SIMC1: variants seen among roughly 807,000 people sequenced by gnomAD.
SIMC1 encodes the protein SUMO interacting motifs containing 1, also known as SUMO-interacting motif-containing protein 1.
A neutral mutation model predicts 82.3 loss-of-function variants in SIMC1; 55 were observed. That is an observed-to-expected ratio of 0.67 (90% CI 0.54 to 0.84). The LOEUF is 0.84. Among genes scored for constraint, SIMC1 ranks in the 40% least tolerant of loss-of-function variants. The pLI is 0.00. For synonymous variants in SIMC1, 353 were observed against 426.3 expected (o/e 0.83, Z 2.12); for missense variants, 915 against 1,107.2 (o/e 0.83, Z 2.46).
At chr5:176,317,752 C>G (rs937990396) in intron 5 of SIMC1, among the ~76,000 whole-genome samples, 1 of 152,068 alleles carries the variant, frequency 6.6e-6, no homozygotes, top group African/African-American at 2.4e-5. Context: ...AATAATTATC[C>G]TATTTTTAAG....
chr5:176,262,411 A>G (rs1435954473), intron 1 of SIMC1, among the ~76,000 whole-genome samples: 1 of 152,172 alleles, frequency 6.6e-6, no homozygotes, highest in Non-Finnish European at 1.5e-5. Context: ...AAGCATTCCT[A>G]CTAAGATCAG....
intron 1 of SIMC1, among the ~76,000 whole-genome samples, chr5:176,260,502 C>A (rs1321685451): frequency 1.3e-5 from 2 of 151,964 alleles, no homozygotes; most frequent in Admixed American, 1.3e-4. Flanking sequence ...CCAAATTTAG[C>A]CAGTCTCTTA....
intron 4 of SIMC1, chr5:176,308,759 A>G: frequency 7.4e-7 from 1 of 1,353,006 alleles, no homozygotes; most frequent in Non-Finnish European, 1.1e-6. Flanking sequence ...TTGAATCAGC[A>G]GTAGAGCTGC....
At chr5:176,270,741 T>C (rs368650831) in intron 1 of SIMC1, among the ~76,000 whole-genome samples, 3 of 152,178 alleles carry the variant, frequency 2.0e-5, no homozygotes, top group African/African-American at 7.2e-5. Flanking sequence ...AAACAACACA[T>C]GGCAGAATTT....
At chr5:176,296,155 G>C in intron 3 of SIMC1, 96 bp from the exon 4 acceptor site, 1 of 1,593,156 alleles carries the variant, frequency 6.3e-7, no homozygotes, top group South Asian at 1.1e-5. Context: ...GGATAATGGA[G>C]GATAGGAAGA....
At chr5:176,305,519 TG>T (rs1764296373) in intron 4 of SIMC1, among the ~76,000 whole-genome samples, 1 of 69,402 alleles carries the variant, frequency 1.4e-5, no homozygotes, top group Non-Finnish European at 3.1e-5. Flanking sequence ...CCACCCCGTC[TG>T]GGAGGGAGGT....
intron 2 of SIMC1, among the ~76,000 whole-genome samples, chr5:176,292,251 T>C (rs548794927): frequency 2.0e-5 from 3 of 152,166 alleles, no homozygotes; most frequent in Non-Finnish European, 4.4e-5. Flanking sequence ...TCATCATTGA[T>C]TTATGAGAAG....
intron 4 of SIMC1, among the ~76,000 whole-genome samples, chr5:176,296,923 C>A (rs1436344258): frequency 6.6e-6 from 1 of 151,980 alleles, no homozygotes; most frequent in Non-Finnish European, 1.5e-5. Flanking sequence ...TTAGGGAGAC[C>A]TACAGAGAAT....
At chr5:176,251,216 T>A (rs1371514081) in intron 1 of SIMC1, among the ~76,000 whole-genome samples, 2 of 152,094 alleles carry the variant, frequency 1.3e-5, no homozygotes, top group Admixed American at 6.5e-5. Flanking sequence ...ACAAATTAGC[T>A]AGGTGTGATG....
chr5:176,279,918 TGTG>T (rs1009415238), intron 1 of SIMC1, among the ~76,000 whole-genome samples: 59 of 152,198 alleles, frequency 3.9e-4, no homozygotes, highest in Admixed American at 2.0e-4. Flanking sequence ...TTGGAATAGG[TGTG>T]GTGCGGTGCT....
chr5:176,244,706 CTT>C (rs1246145883), intron 1 of SIMC1, among the ~76,000 whole-genome samples: 1 of 119,088 alleles, frequency 8.4e-6, no homozygotes, highest in African/African-American at 3.1e-5. Context: ...TATAATGTTT[CTT>C]TTTTTTTTTC....
chr5:176,313,411 AT>A (rs1561716835), intron 4 of SIMC1: 1 of 1,546,058 alleles, frequency 6.5e-7, no homozygotes, highest in East Asian at 2.4e-5. Flanking sequence ...TTAGAAAATT[AT>A]AATTATCTGC....
At chr5:176,253,465 C>T (rs1166810992) in intron 1 of SIMC1, among the ~76,000 whole-genome samples, 2 of 152,148 alleles carry the variant, frequency 1.3e-5, no homozygotes, top group Non-Finnish European at 2.9e-5. Flanking sequence ...CCACCCGCCT[C>T]AGCCTCCCAA....
intron 1 of SIMC1, among the ~76,000 whole-genome samples, chr5:176,249,443 G>A (rs979647838): frequency 1.3e-5 from 2 of 152,004 alleles, no homozygotes; most frequent in African/African-American, 4.8e-5. Context: ...GGGATCAGTG[G>A]CGATATCCCC....
intron 7 of SIMC1, among the ~76,000 whole-genome samples, chr5:176,325,830 T>C (rs1338344469): frequency 6.6e-6 from 1 of 152,112 alleles, no homozygotes; most frequent in African/African-American, 2.4e-5. Context: ...GTGAATGAAA[T>C]AGATATATCC....
At chr5:176,250,536 G>A (rs1364534621) in intron 1 of SIMC1, among the ~76,000 whole-genome samples, 18 of 152,138 alleles carry the variant, frequency 1.2e-4, no homozygotes, top group Non-Finnish European at 1.3e-4. Flanking sequence ...CTGTCTTGTT[G>A]ATCTGTCTAA....
chr5:176,331,841 C>T (rs772971099), intron 7 of SIMC1, among the ~76,000 whole-genome samples: 31 of 151,824 alleles, frequency 2.0e-4, no homozygotes, highest in Non-Finnish European at 2.5e-4. Flanking sequence ...TGGTGGCGGG[C>T]GCCTGTAATC....
At chr5:176,295,476 GGAGT>G (rs1224311183) in intron 3 of SIMC1, among the ~76,000 whole-genome samples, 1 of 152,238 alleles carries the variant, frequency 6.6e-6, no homozygotes, top group Non-Finnish European at 1.5e-5. Flanking sequence ...TAGAAACCGA[GGAGT>G]GAGATGTGAC....
At chr5:176,282,783 T>C (rs900224853) in intron 1 of SIMC1, among the ~76,000 whole-genome samples, 1 of 152,170 alleles carries the variant, frequency 6.6e-6, no homozygotes, top group African/African-American at 2.4e-5. Context: ...TGAGAAAAGA[T>C]TAGACGAATG....
Sources: gnomAD v4.1 joint callset for allele counts (sites outside exome capture counted in the v4.1 genomes callset) on GRCh38, gnomAD v4.1.1 for gene constraint, MANE v1.5 for transcripts, NCBI Gene and HGNC (gene_info 2026-07-23, HGNC 2026-07-21) for gene names.